CREB3L2: variants seen among roughly 807,000 people sequenced by gnomAD.
CREB3L2 encodes the protein cAMP responsive element binding protein 3 like 2.
A neutral mutation model predicts 57.2 loss-of-function variants in CREB3L2; 23 were observed. The observed-to-expected ratio is 0.40, with a 90% CI of 0.29 to 0.57. The LOEUF is 0.57. CREB3L2 is among the 20% of genes least tolerant of loss of function. The pLI is 0.42. For synonymous variants in CREB3L2, 268 were observed against 265.1 expected, an observed-to-expected ratio of 1.01 and a Z score of -0.11; for missense variants, 628 against 634.7, an observed-to-expected ratio of 0.99 and a Z score of 0.11.
At chr7:137,938,617 T>C (rs1192568696) in intron 1 of CREB3L2, among the ~76,000 whole-genome samples, 1 of 152,184 alleles carries the variant, frequency 6.6e-6, no homozygotes, top group Non-Finnish European at 1.5e-5. Context: ...GTGCTGGGAT[T>C]ACAGGTGTGA....
At chr7:137,918,339 C>T (rs1173151265) in intron 2 of CREB3L2, among the ~76,000 whole-genome samples, 3 of 152,080 alleles carry the variant, frequency 2.0e-5, no homozygotes, top group Non-Finnish European at 4.4e-5. Context: ...TACAGGTACA[C>T]GCCACGACGC....
At chr7:137,999,730 A>C (rs1802046117) in intron 1 of CREB3L2, 1 of 152,214 alleles carries the variant, frequency 6.6e-6, no homozygotes, top group Non-Finnish European at 1.5e-5. Context: ...ACAGTAATTC[A>C]TATGCACAGT....
chr7:137,893,846 T>C (rs1483926452), intron 8 of CREB3L2, among the ~76,000 whole-genome samples: 1 of 152,218 alleles, frequency 6.6e-6, no homozygotes, highest in Non-Finnish European at 1.5e-5. Flanking sequence ...AGTGTACAAA[T>C]GAAGTCCACA....
intron 1 of CREB3L2, among the ~76,000 whole-genome samples, chr7:137,946,880 C>A (rs57424549): frequency 0.026 from 897 of 33,964 alleles, 258 homozygotes; most frequent in African/African-American, 0.17. Flanking sequence ...ATATAGTTAT[C>A]TATATAGTTA....
intron 4 of CREB3L2, 97 bp downstream of exon 4, chr7:137,912,894 T>C: frequency 2.6e-6 from 4 of 1,563,932 alleles, no homozygotes; most frequent in Non-Finnish European, 3.5e-6. Flanking sequence ...ACAACATCTG[T>C]GGTACAAACT....
At chr7:137,890,558 T>A (rs1799510743) in intron 8 of CREB3L2, among the ~76,000 whole-genome samples, 1 of 152,212 alleles carries the variant, frequency 6.6e-6, no homozygotes, top group Admixed American at 6.5e-5. Flanking sequence ...TCAGATGAAT[T>A]CCCTTGACCA....
At chr7:137,925,552 C>T (rs1261675977) in intron 2 of CREB3L2, among the ~76,000 whole-genome samples, 1 of 152,196 alleles carries the variant, frequency 6.6e-6, no homozygotes, top group Non-Finnish European at 1.5e-5. Context: ...GGGTGGTTAT[C>T]TGCTCTAACA....
In CREB3L2 at chr7:137,876,816, G is replaced by A; in HGVS notation, c.*3660C>T. 1 of 232,408 alleles carries A rather than the reference G, an allele frequency of 4.3e-6. No individual in the cohort carries two copies. Among genetic ancestry groups the A allele is most frequent in the Middle Eastern group, 1.3e-3 (1 of 784 alleles). The allele number at this position is 232,408 out of a possible 1,614,324, so 14.4% of individuals were successfully genotyped here. On this transcript the variant is annotated 3_prime_UTR_variant, in exon 12 of 12. Transcript: ENST00000330387. ...CCAACTGTAGTGACTTGGGGCAGAG[G>A]AAGGGGAGGATGAAGGTCTTCTAGT... is the stretch of plus-strand genomic sequence containing the variant.
chr7:137,922,412 A>ACACG (rs1563253257), intron 2 of CREB3L2, among the ~76,000 whole-genome samples: 2 of 29,474 alleles, frequency 6.8e-5, no homozygotes, highest in Admixed American at 5.4e-4. Flanking sequence ...ATATATATAT[A>ACACG]TATGTATATA....
intron 1 of CREB3L2, among the ~76,000 whole-genome samples, chr7:137,962,481 T>TGCTACAGGCACACTTGCCTCTCCCA (rs1299600794): frequency 1.3e-5 from 2 of 152,098 alleles, no homozygotes; most frequent in African/African-American, 4.8e-5. Context: ...GAGGGATCTC[T>TGCTACAGGCACACTTGCCTCTCCCA]GCTACAGGCA....
rs570023770 is a variant in CREB3L2 at position 137,880,021 on chromosome 7, C to T, written c.*455G>A. Reference sequence around the variant, plus strand: ...GGTGTTCACACCAGAGACCCCAGTGCGAGCAACGGAGGACACGGGTCAGTG... The same window carrying T: ...GGTGTTCACACCAGAGACCCCAGTGTGAGCAACGGAGGACACGGGTCAGTG... On this transcript the variant is annotated 3_prime_UTR_variant, in exon 12 of 12. Coordinates refer to ENST00000330387, the MANE Select transcript of CREB3L2 (RefSeq NM_194071.4). The surrounding 1 kb of genome is among the most constrained non-coding windows in gnomAD (Gnocchi z 4.0). The T allele has an allele frequency of 3.2e-4, 80 of 250,332 alleles. No homozygotes were observed. The highest frequency in any genetic ancestry group is 4.8e-4 in the Non-Finnish European group (62 of 128,300). 15.5% of individuals were successfully genotyped at this position (250,332 alleles called of 1,614,324 possible).
intron 1 of CREB3L2, among the ~76,000 whole-genome samples, chr7:137,969,513 A>AT (rs907879401): frequency 1.2e-4 from 18 of 147,720 alleles, no homozygotes; most frequent in Admixed American, 2.7e-4. Flanking sequence ...CACCCGGCTA[A>AT]TTTTTTTTTT....
chr7:137,887,936 T>G (rs1400183472), intron 8 of CREB3L2, among the ~76,000 whole-genome samples: 2 of 152,162 alleles, frequency 1.3e-5, no homozygotes, highest in Non-Finnish European at 2.9e-5. Context: ...TTTAAATGTA[T>G]TCAGGTACAA....
intron 1 of CREB3L2, among the ~76,000 whole-genome samples, chr7:137,943,853 C>T (rs942735015): frequency 1.3e-5 from 2 of 152,064 alleles, no homozygotes; most frequent in East Asian, 3.9e-4. Flanking sequence ...CCAAAAATGC[C>T]GCCATGTATT....
intron 8 of CREB3L2, among the ~76,000 whole-genome samples, chr7:137,893,676 A>G (rs1408499311): frequency 6.6e-6 from 1 of 152,232 alleles, no homozygotes; most frequent in African/African-American, 2.4e-5. Flanking sequence ...AAGACCTTTA[A>G]TAGGAATCAT....
intron 1 of CREB3L2, among the ~76,000 whole-genome samples, chr7:137,987,351 T>C (rs1264713483): frequency 6.6e-6 from 1 of 152,144 alleles, no homozygotes; most frequent in Non-Finnish European, 1.5e-5. Flanking sequence ...CTGAAATCTA[T>C]AGGTCTGTGC....
intron 6 of CREB3L2, 83 bp downstream of exon 6, chr7:137,905,619 G>A: frequency 1.4e-6 from 2 of 1,447,950 alleles, no homozygotes; most frequent in African/African-American, 1.4e-5. Flanking sequence ...GGGTAGTGCT[G>A]GCCGTTGGGA....
At chr7:137,903,667 G>A (rs1002127366) in intron 7 of CREB3L2, among the ~76,000 whole-genome samples, 9 of 152,216 alleles carry the variant, frequency 5.9e-5, no homozygotes, top group African/African-American at 1.9e-4. Context: ...GGAATGTGCA[G>A]GAATGTTAAT....
intron 11 of CREB3L2, among the ~76,000 whole-genome samples, chr7:137,881,905 C>G (rs1799300176): frequency 6.6e-6 from 1 of 152,178 alleles, no homozygotes; most frequent in Non-Finnish European, 1.5e-5. Flanking sequence ...AATGGTACCC[C>G]TCAACATACA....
Sources: allele counts gnomAD v4.1 joint callset (sites outside exome capture counted in the v4.1 genomes callset), GRCh38; gene constraint gnomAD v4.1.1; non-coding constraint Gnocchi (gnomAD v3.1); transcripts MANE v1.5; gene names NCBI Gene and HGNC (gene_info 2026-07-23, HGNC 2026-07-21).